CHCHD3: variants seen among roughly 807,000 people sequenced by gnomAD.
The protein encoded by CHCHD3 is coiled-coil-helix-coiled-coil-helix domain containing 3.
Under a neutral mutation model 38.2 loss-of-function variants are expected in CHCHD3, and 20 were observed. The observed-to-expected ratio is 0.52, with a 90% CI of 0.37 to 0.76. The LOEUF (loss-of-function observed/expected upper bound fraction) is 0.76. Among genes scored for constraint, CHCHD3 ranks in the 30% least tolerant of loss-of-function variants. The pLI is 0.00. For synonymous variants in CHCHD3, 82 were observed against 100.0 expected (o/e 0.82, Z 1.07); for missense variants, 245 against 279.2 (o/e 0.88, Z 0.87).
intron 2 of CHCHD3, chr7:133,034,789 G>C (rs763257644): frequency 3.1e-6 from 5 of 1,612,828 alleles, no homozygotes; most frequent in Middle Eastern, 1.7e-4. Flanking sequence ...TCCTGGCCTC[G>C]GAAGACCCAG....
At chr7:133,051,510 T>C (rs1814162685) in intron 2 of CHCHD3, among the ~76,000 whole-genome samples, 1 of 152,232 alleles carries the variant, frequency 6.6e-6, no homozygotes, top group Non-Finnish European at 1.5e-5. Context: ...CTAAGCATCA[T>C]ATCCAAATAA....
intron 6 of CHCHD3, among the ~76,000 whole-genome samples, chr7:132,831,797 C>T (rs954632223): frequency 1.3e-5 from 2 of 152,120 alleles, no homozygotes; most frequent in African/African-American, 4.8e-5. Context: ...CATTCAGGCT[C>T]ACTGGCTTAT....
intron 4 of CHCHD3, among the ~76,000 whole-genome samples, chr7:132,956,084 A>G (rs1316773964): frequency 6.6e-6 from 1 of 152,250 alleles, no homozygotes; most frequent in African/African-American, 2.4e-5. Flanking sequence ...AGTTGAATCC[A>G]TAAGAGAGAA....
At chr7:132,855,088 A>G (rs924537199) in intron 5 of CHCHD3, among the ~76,000 whole-genome samples, 5 of 152,244 alleles carry the variant, frequency 3.3e-5, no homozygotes, top group African/African-American at 7.2e-5. Flanking sequence ...AAGGTCACAC[A>G]TTTGCTGGTG....
intron 5 of CHCHD3, among the ~76,000 whole-genome samples, chr7:132,846,211 A>G (rs1453099256): frequency 6.6e-6 from 1 of 152,176 alleles, no homozygotes; most frequent in African/African-American, 2.4e-5. Flanking sequence ...CCAGAATACG[A>G]CAACAGTGAT....
chr7:132,892,088 T>A (rs1809376199), intron 4 of CHCHD3, among the ~76,000 whole-genome samples: 1 of 152,186 alleles, frequency 6.6e-6, no homozygotes, highest in Admixed American at 6.5e-5. Flanking sequence ...GGCACTGCTA[T>A]AAAGATACAG....
chr7:132,884,071 C>T (rs867271373), intron 5 of CHCHD3, among the ~76,000 whole-genome samples: 133 of 152,268 alleles, frequency 8.7e-4, no homozygotes, highest in African/African-American at 3.0e-3. Flanking sequence ...CCAGTCATCC[C>T]TTTTCCGAAT....
intron 5 of CHCHD3, among the ~76,000 whole-genome samples, chr7:132,883,788 C>T (rs1316301843): frequency 1.3e-5 from 2 of 152,148 alleles, no homozygotes; most frequent in African/African-American, 4.8e-5. Flanking sequence ...AACCATTTCA[C>T]TTTATGCCTA....
intron 3 of CHCHD3, among the ~76,000 whole-genome samples, chr7:132,997,762 C>G (rs182210901): frequency 1.3e-5 from 2 of 150,160 alleles, no homozygotes; most frequent in African/African-American, 4.9e-5. Flanking sequence ...ACTCATCACT[C>G]TCTTACACTC....
chr7:133,030,535 A>G (rs1181451200), intron 2 of CHCHD3, among the ~76,000 whole-genome samples: 2 of 152,044 alleles, frequency 1.3e-5, no homozygotes, highest in Non-Finnish European at 2.9e-5. Flanking sequence ...GAAAAGGAGT[A>G]AAAACAAAAA....
intron 4 of CHCHD3, among the ~76,000 whole-genome samples, chr7:132,957,007 C>T (rs952786613): frequency 5.3e-5 from 8 of 152,212 alleles, no homozygotes; most frequent in Non-Finnish European, 7.3e-5. Context: ...CTTCCCCACC[C>T]TCAGTGTAAC....
At chr7:132,972,867 T>C (rs1385505398) in intron 4 of CHCHD3, 1 of 985,436 alleles carries the variant, frequency 1.0e-6, no homozygotes, top group Non-Finnish European at 1.2e-6. Context: ...CAAATCAGAA[T>C]GTACGAGGCC....
At chr7:132,988,417 G>A (rs1051230303) in intron 3 of CHCHD3, among the ~76,000 whole-genome samples, 1 of 151,906 alleles carries the variant, frequency 6.6e-6, no homozygotes. Context: ...CTGGCACTTG[G>A]TAAGCATTCA....
intron 2 of CHCHD3, among the ~76,000 whole-genome samples, chr7:133,068,101 G>A (rs1487614735): frequency 6.6e-6 from 1 of 151,274 alleles, no homozygotes; most frequent in African/African-American, 2.4e-5. Flanking sequence ...GGGAGACAGC[G>A]AGACTCCATC....
At chr7:132,946,818 TTAGA>T (rs1455134409) in intron 4 of CHCHD3, among the ~76,000 whole-genome samples, 2 of 151,854 alleles carry the variant, frequency 1.3e-5, no homozygotes, top group Non-Finnish European at 1.5e-5. Context: ...TACAATGTAT[TTAGA>T]TAATGTTTTT....
chr7:132,855,606 C>T (rs1256955064), intron 5 of CHCHD3, among the ~76,000 whole-genome samples: 1 of 152,072 alleles, frequency 6.6e-6, no homozygotes, highest in Non-Finnish European at 1.5e-5. Flanking sequence ...TGAATAGAGG[C>T]ACATTGAAAA....
intron 4 of CHCHD3, among the ~76,000 whole-genome samples, chr7:132,906,073 G>T (rs766278149): frequency 3.3e-5 from 5 of 152,162 alleles, no homozygotes; most frequent in Non-Finnish European, 5.9e-5. Context: ...AACTATGTGA[G>T]ATAAAGCATT....
intron 6 of CHCHD3, among the ~76,000 whole-genome samples, chr7:132,813,176 T>G (rs1481605723): frequency 6.6e-6 from 1 of 152,198 alleles, no homozygotes; most frequent in Non-Finnish European, 1.5e-5. Context: ...CTGGGGTAGC[T>G]TCTCCACTTC....
chr7:132,874,384 G>T (rs1808844609), intron 5 of CHCHD3, among the ~76,000 whole-genome samples: 1 of 152,156 alleles, frequency 6.6e-6, no homozygotes, highest in Non-Finnish European at 1.5e-5. Flanking sequence ...CAAAAGAATA[G>T]CAAGTCCTAT....
Sources: allele counts gnomAD v4.1 joint callset (sites outside exome capture counted in the v4.1 genomes callset), GRCh38; gene constraint gnomAD v4.1.1; transcripts MANE v1.5; gene names NCBI Gene and HGNC (gene_info 2026-07-23, HGNC 2026-07-21).